FAM135B: variants seen among roughly 807,000 people sequenced by gnomAD.
The protein encoded by FAM135B is family with sequence similarity 135 member B, also known as protein FAM135B.
FAM135B carries 43 observed loss-of-function variants against 127.7 expected under a neutral mutation model. That is an observed-to-expected ratio of 0.34 (90% CI 0.26 to 0.43). The LOEUF is 0.43. FAM135B is among the 20% of genes least tolerant of loss of function. The pLI, the probability that FAM135B is intolerant of heterozygous loss-of-function variation, is 1.00. For synonymous variants in FAM135B, 670 were observed against 665.1 expected (o/e 1.01, Z -0.11); for missense variants, 1,558 against 1,725.6 (o/e 0.90, Z 1.72).
chr8:138,183,337 G>A (rs1425725302), intron 9 of FAM135B, among the ~76,000 whole-genome samples: 1 of 152,136 alleles, frequency 6.6e-6, no homozygotes, highest in African/African-American at 2.4e-5. Context: ...GATAGTAAGT[G>A]GGAGGCAATG....
chr8:138,242,664 C>T lies in FAM135B; in HGVS notation c.669+278G>A, dbSNP rs1461193454. The stretch of plus-strand genomic sequence containing the variant: ...GAGTGGCCCCCTCACAGCACAGCCT[C>T]CTGACCTACAGAGAACCATATTCTT... On this transcript the variant is annotated intron_variant, in intron 7 of 19. Transcript: ENST00000395297. The surrounding 1 kb of genome is among the most constrained non-coding windows in gnomAD (Gnocchi z 9.6). Among the ~76,000 whole-genome samples, 2 of 152,158 alleles carry T rather than the reference C, an allele frequency of 1.3e-5. No individual in the cohort carries two copies.
At chr8:138,232,211 A>G (rs1353854928) in intron 7 of FAM135B, among the ~76,000 whole-genome samples, 6 of 152,012 alleles carry the variant, frequency 3.9e-5, no homozygotes, top group Non-Finnish European at 7.4e-5. Flanking sequence ...CATGTCTGTC[A>G]TGCACCATGA....
At chr8:138,304,624 A>C (rs2130861171) in intron 3 of FAM135B, among the ~76,000 whole-genome samples, 1 of 152,332 alleles carries the variant, frequency 6.6e-6, no homozygotes, top group African/African-American at 2.4e-5. Context: ...AGGAACTGCA[A>C]AAACAGGAGC....
At chr8:138,415,498 G>C (rs1834092861) in intron 1 of FAM135B, among the ~76,000 whole-genome samples, 1 of 152,170 alleles carries the variant, frequency 6.6e-6, no homozygotes, top group African/African-American at 2.4e-5. Flanking sequence ...TCTCAATTTA[G>C]AGTTTGGAAC....
chr8:138,235,345 A>C (rs967153176), intron 7 of FAM135B, among the ~76,000 whole-genome samples: 1 of 152,228 alleles, frequency 6.6e-6, no homozygotes, highest in Admixed American at 6.5e-5. Context: ...TGCCTGAGAC[A>C]GAGTTAATGC....
chr8:138,310,804 T>A, intron 3 of FAM135B, 37 bp downstream of exon 3: 2 of 1,588,864 alleles, frequency 1.3e-6, no homozygotes, highest in Non-Finnish European at 1.7e-6. Context: ...AGGTTCGCCA[T>A]TGGGGGCAAG....
chr8:138,238,958 C>T (rs558470169), intron 7 of FAM135B, among the ~76,000 whole-genome samples: 7 of 152,312 alleles, frequency 4.6e-5, no homozygotes, highest in African/African-American at 1.4e-4. Flanking sequence ...CACAAATAAA[C>T]CATTTTATCT....
At position 138,390,922 on chromosome 8, in the gene FAM135B, C is replaced by T. The variant is rs980013772; in HGVS notation, c.-19-22920G>A. 1.6e-4 allele frequency among the ~76,000 whole-genome samples: 25 copies of T among 152,124 alleles called. 1 individual carries two copies. Among genetic ancestry groups the T allele is most frequent in the Non-Finnish European group, 8.8e-5 (6 of 68,034 alleles). The stretch of plus-strand genomic sequence containing the variant: ...TGTACACTTTGGAGAAGATAGGAAG[C>T]AACTGTTTACCGTACCACGACGCAA... On this transcript the variant is annotated intron_variant, in intron 1 of 19. Transcript: ENST00000395297.
chr8:138,388,954 C>T (rs1832379843), intron 1 of FAM135B, among the ~76,000 whole-genome samples: 2 of 151,502 alleles, frequency 1.3e-5, no homozygotes, highest in Admixed American at 6.6e-5. Context: ...TATATATATC[C>T]CCCCTCTGAA....
chr8:138,465,706 C>T (rs141524321), intron 1 of FAM135B, among the ~76,000 whole-genome samples: 121 of 152,338 alleles, frequency 7.9e-4, no homozygotes, highest in African/African-American at 2.8e-3. Context: ...TTGTACCCAG[C>T]CTCCTGCTCA....
At chr8:138,478,463 C>G (rs147364943) in intron 1 of FAM135B, among the ~76,000 whole-genome samples, 1 of 152,262 alleles carries the variant, frequency 6.6e-6, no homozygotes, top group East Asian at 1.9e-4. Context: ...AGAGAGCACC[C>G]TATGGTTGCT....
At chr8:138,345,311 G>A (rs1368207291) in intron 2 of FAM135B, among the ~76,000 whole-genome samples, 4 of 152,136 alleles carry the variant, frequency 2.6e-5, no homozygotes, top group African/African-American at 9.7e-5. Context: ...CCTCAAACAG[G>A]ATCAGCCGTC....
At chr8:138,481,511 C>T (rs1233382982) in intron 1 of FAM135B, among the ~76,000 whole-genome samples, 1 of 152,182 alleles carries the variant, frequency 6.6e-6, no homozygotes, top group Non-Finnish European at 1.5e-5. Context: ...GTGGAGCAGG[C>T]TTTTGTGAAA....
chr8:138,178,629 G>A lies in FAM135B; in HGVS notation c.935C>T (p.Ser312Phe), dbSNP rs2130982119. The A allele has an allele frequency of 1.2e-6, 2 of 1,614,082 alleles. No individual in the cohort carries two copies. Among genetic ancestry groups the A allele is most frequent in the Non-Finnish European group, 1.7e-6 (2 of 1,179,996 alleles). Residue 312 changes from serine to phenylalanine, a missense_variant, in exon 10 of 20, where the codon TCC becomes TTC. Transcript: ENST00000395297. ...QISKDLAWLT[S>F]HMMTLWTQFL... ...CTGGGTCCACAGAGTCATCATGTGGGACGTGAGCCAGGCCAGATCCTTGCT... is the reference window on the plus strand; with the variant it reads ...CTGGGTCCACAGAGTCATCATGTGGAACGTGAGCCAGGCCAGATCCTTGCT...
At chr8:138,301,057 C>A (rs1345670175) in intron 3 of FAM135B, among the ~76,000 whole-genome samples, 1 of 152,084 alleles carries the variant, frequency 6.6e-6, no homozygotes, top group East Asian at 1.9e-4. Flanking sequence ...CCTTATTTTA[C>A]TTTTAAATTT....
intron 1 of FAM135B, among the ~76,000 whole-genome samples, chr8:138,424,387 C>T (rs139477145): frequency 6.6e-6 from 1 of 152,304 alleles, no homozygotes. Flanking sequence ...CCGGTCCCTC[C>T]GTTCGAGGTC....
At chr8:138,464,823 C>A (rs190934493) in intron 1 of FAM135B, among the ~76,000 whole-genome samples, 22 of 152,300 alleles carry the variant, frequency 1.4e-4, no homozygotes, top group South Asian at 6.2e-4. Context: ...TGCACTGCCC[C>A]CTACGCTGGC....
intron 2 of FAM135B, among the ~76,000 whole-genome samples, chr8:138,328,586 A>G (rs927399806): frequency 2.0e-5 from 3 of 152,164 alleles, no homozygotes; most frequent in African/African-American, 7.2e-5. Context: ...GTAACAAGGA[A>G]GTGCAAACAG....
chr8:138,292,508 T>C lies in FAM135B; in HGVS notation c.157+18333A>G, dbSNP rs1180265052. On this transcript the variant is annotated intron_variant, in intron 3 of 19. Transcript: ENST00000395297. ...CAAAGGGAAAAACATTCCATGCTTA[T>C]GGATAGGAAGAATCAATATCATTAA... Among the ~76,000 whole-genome samples, 7 of 152,250 alleles carry C rather than the reference T, an allele frequency of 4.6e-5. No individual in the cohort carries two copies. In the East Asian group the frequency reaches 1.3e-3, roughly 29 times the overall value.
Sources: gnomAD v4.1 joint callset for allele counts (sites outside exome capture counted in the v4.1 genomes callset) on GRCh38, gnomAD v4.1.1 for gene constraint, Gnocchi (gnomAD v3.1) non-coding constraint, MANE v1.5 for transcripts, NCBI Gene and HGNC (gene_info 2026-07-23, HGNC 2026-07-21) for gene names.